The following GIT2 variants were observed in gnomAD, a reference collection of about 807,000 sequenced individuals.
GIT2 encodes ARF GTPase-activating protein GIT2.
A neutral mutation model predicts 100.3 loss-of-function variants in GIT2; 32 were observed. That is an observed-to-expected ratio of 0.32 (90% CI 0.24 to 0.43). The LOEUF is 0.43. Ranked by LOEUF, GIT2 falls within the 20% of genes least tolerant of loss-of-function variation. GIT2 has a pLI of 1.00. For missense variants in GIT2, 737 were observed against 975.1 expected (o/e 0.76, Z 3.25); for synonymous variants, 353 against 364.1 (o/e 0.97, Z 0.35).
At chr12:109,961,209 C>A in intron 11 of GIT2, 69 bp downstream of exon 11, 1 of 876,508 alleles carries the variant, frequency 1.1e-6, no homozygotes, top group South Asian at 1.4e-5. Flanking sequence ...GAATAGTTTT[C>A]CTGGGAAAAA....
intron 7 of GIT2, among the ~76,000 whole-genome samples, chr12:109,978,860 C>T (rs1385904863): frequency 6.6e-6 from 1 of 152,190 alleles, no homozygotes; most frequent in Non-Finnish European, 1.5e-5. Context: ...CTGTTGGCTG[C>T]CTTCCCTGGC....
chr12:109,937,513 C>A (rs558892381), intron 18 of GIT2, among the ~76,000 whole-genome samples: 7 of 152,232 alleles, frequency 4.6e-5, no homozygotes, highest in African/African-American at 1.7e-4. Context: ...CCATGGGAAG[C>A]TAGGATGTTA....
chr12:109,970,216 G>A (rs538294696), intron 7 of GIT2, among the ~76,000 whole-genome samples: 2 of 152,140 alleles, frequency 1.3e-5, no homozygotes, highest in East Asian at 1.9e-4. Flanking sequence ...ATCCTGGGGC[G>A]GGTGCAGTGG....
chr12:109,953,467 A>C (rs1283350926), intron 12 of GIT2: 5 of 427,672 alleles, frequency 1.2e-5, no homozygotes, highest in Admixed American at 1.1e-4. Context: ...CAATAATTTA[A>C]AAATTATCCA....
intron 17 of GIT2, 32 bp downstream of exon 17, chr12:109,939,133 C>T (rs1322732078): frequency 4.3e-6 from 6 of 1,397,268 alleles, no homozygotes; most frequent in African/African-American, 4.2e-5. Context: ...CTGGGGAGCC[C>T]CTCCCCTGGC....
chr12:109,975,077 C>T (rs1884742986), intron 7 of GIT2, among the ~76,000 whole-genome samples: 1 of 152,158 alleles, frequency 6.6e-6, no homozygotes, highest in Non-Finnish European at 1.5e-5. Flanking sequence ...ATTAATATAG[C>T]CACCCTAGCT....
At chr12:109,949,989 G>A (rs568308990) in intron 14 of GIT2, among the ~76,000 whole-genome samples, 1 of 152,352 alleles carries the variant, frequency 6.6e-6, no homozygotes, top group South Asian at 2.1e-4. Flanking sequence ...CCTAGACAGG[G>A]CTGGGAGACA....
intron 18 of GIT2, among the ~76,000 whole-genome samples, chr12:109,936,024 C>T (rs959397212): frequency 1.3e-5 from 2 of 152,126 alleles, no homozygotes; most frequent in South Asian, 2.1e-4. Flanking sequence ...GCCCAGGAGA[C>T]AAGACCAGAC....
chr12:109,948,395 G>A lies in GIT2; in HGVS notation c.1393-891C>T. 1 of 997,596 alleles carries A rather than the reference G, an allele frequency of 1.0e-6. No individual in the cohort carries two copies. Among genetic ancestry groups the A allele is most frequent in the Non-Finnish European group, 1.2e-6 (1 of 838,112 alleles). The allele number at this position is 997,596 out of a possible 1,614,324, so 61.8% of individuals were successfully genotyped here. A position where few individuals can be genotyped will look rare whatever the true frequency, so the allele number is the denominator to read the frequency against. ...ATCTGCCTGGCACCACCCCATTTTA[G>A]AGACTGTCACTTGGAGGCCCTGAAT... On this transcript the variant is annotated intron_variant, in intron 14 of 19. Transcript: ENST00000355312. This position sits in a 1 kb window ranked among gnomAD's most constrained non-coding sequence, Gnocchi z 4.3.
intron 16 of GIT2, among the ~76,000 whole-genome samples, chr12:109,940,833 C>T (rs983764614): frequency 1.3e-5 from 2 of 151,192 alleles, no homozygotes; most frequent in African/African-American, 4.9e-5. Context: ...GAGATGAGAT[C>T]GTACTACTGC....
chr12:109,943,858 A>AT (rs1158840485), intron 16 of GIT2, among the ~76,000 whole-genome samples: 2 of 151,088 alleles, frequency 1.3e-5, no homozygotes, highest in African/African-American at 4.9e-5. Context: ...CACCCGGATA[A>AT]TTTTTTATAT....
chr12:109,986,542 A>G (rs1481091966), intron 4 of GIT2, among the ~76,000 whole-genome samples: 1 of 152,180 alleles, frequency 6.6e-6, no homozygotes, highest in Non-Finnish European at 1.5e-5. Flanking sequence ...AGGTGGGCGG[A>G]TCACGAGGTC....
At chr12:109,996,507 G>A (rs991081742), upstream of GIT2, 11 of 406,648 alleles carry the variant, frequency 2.7e-5, no homozygotes, top group African/African-American at 2.1e-4. Context: ...TATTGAATTT[G>A]GGTCTTCTTC....
upstream of GIT2, chr12:109,999,584 C>A: frequency 2.1e-6 from 2 of 959,856 alleles, no homozygotes; most frequent in Non-Finnish European, 1.4e-6. The surrounding 1 kb of genome is among the most constrained non-coding windows in gnomAD (Gnocchi z 4.3). Context: ...ACACGCCCTA[C>A]GCTCGCTTGC....
rs1882791099 is a variant in GIT2, at chr12:109,967,484, G to A, written c.738C>T (p.His246=). The change falls in exon 8 of 20, where the codon CAC becomes CAT. Residue 246 remains histidine (H), a synonymous_variant. Coordinates refer to ENST00000355312, the MANE Select transcript of GIT2 (RefSeq NM_057169.5). ...TGTCTGCCATTTGAGGTATTATAAA[G>A]TGCTGTCCATTTTTGTGATCTGAAA... The part of the protein sequence containing the change: ...GRKPDHKNGQ[H]FIIPQMADSS... 2.5e-6 allele frequency: 4 copies of A among 1,605,048 alleles called. No individual in the cohort carries two copies. The East Asian group carries it at 6.7e-5, about 27-fold the overall frequency.
At chr12:109,961,414 C>T in intron 10 of GIT2, 39 bp from the exon 11 acceptor site, 1 of 1,293,444 alleles carries the variant, frequency 7.7e-7, no homozygotes. Flanking sequence ...CCTCATCACG[C>T]CTGTGTGCCA....
At position 109,945,243 on chromosome 12, in the gene GIT2, T is replaced by A. The variant is rs373845867; in HGVS notation, c.1731+17A>T. ...GGCCCCTCCTCCAGAGAGCAGACCATTCAGAATGTACTTAACCCTTCGGGC... is the reference window on the plus strand; with the variant it reads ...GGCCCCTCCTCCAGAGAGCAGACCAATCAGAATGTACTTAACCCTTCGGGC... On this transcript the variant is annotated intron_variant, in intron 16 of 19. Coordinates refer to ENST00000355312, the MANE Select transcript of GIT2 (RefSeq NM_057169.5). The A allele has an allele frequency of 7.8e-7, 1 of 1,276,794 alleles. No individual in the cohort carries two copies. The allele number at this position is 1,276,794 out of a possible 1,614,324, so 79.1% of individuals were successfully genotyped here. A position where few individuals can be genotyped will look rare whatever the true frequency, so the allele number is the denominator to read the frequency against.
chr12:109,938,775 G>A, intron 17 of GIT2: 1 of 528,908 alleles, frequency 1.9e-6, no homozygotes, highest in South Asian at 2.9e-5. Flanking sequence ...ACTCTCACAG[G>A]AAGGGTGAAG....
chr12:109,945,346 C>G lies in GIT2; in HGVS notation c.1645G>C (p.Gly549Arg), dbSNP rs139549885. The G allele has an allele frequency of 2.7e-6, 4 of 1,467,580 alleles. No individual in the cohort carries two copies. Among genetic ancestry groups the G allele is most frequent in the Admixed American group, 1.7e-5 (1 of 59,530 alleles). The allele number at this position is 1,467,580 out of a possible 1,614,324, so 90.9% of individuals were successfully genotyped here. A position where few individuals can be genotyped will look rare whatever the true frequency, so the allele number is the denominator to read the frequency against. The change falls in exon 16 of 20, where the codon GGG becomes CGG. Residue 549 changes from glycine (G) to arginine (R), a missense_variant. Transcript: ENST00000355312. ...GAGGAGGTCACAAGTGCACTCCTCCCGATCTGGAATGGGAAAGAGAAACAC... is the reference window on the plus strand; with the variant it reads ...GAGGAGGTCACAAGTGCACTCCTCCGGATCTGGAATGGGAAAGAGAAACAC... ...MRLQPFPAHI[G>R]RSALVTSSSS...
Sources: gnomAD v4.1 joint callset for allele counts (sites outside exome capture counted in the v4.1 genomes callset) on GRCh38, gnomAD v4.1.1 for gene constraint, Gnocchi (gnomAD v3.1) non-coding constraint, MANE v1.5 for transcripts, NCBI Gene and HGNC (gene_info 2026-07-23, HGNC 2026-07-21) for gene names.